Variants in UBE3C observed in about 807,000 individuals in gnomAD.
UBE3C encodes ubiquitin-protein ligase E3C.
UBE3C carries 42 observed loss-of-function variants against 129.4 expected under a neutral mutation model. That is an observed-to-expected ratio of 0.32 (90% CI 0.25 to 0.42). UBE3C has a LOEUF of 0.42. Among genes scored for constraint, UBE3C ranks in the 10% least tolerant of loss-of-function variants. The probability of loss-of-function intolerance (pLI) is 1.00; values close to 1 mark genes in which losing one functional copy is unlikely to be tolerated. For missense variants in UBE3C, 1,049 were observed against 1,319.1 expected, an observed-to-expected ratio of 0.80 and a Z score of 3.17; for synonymous variants, 510 against 492.4, an observed-to-expected ratio of 1.04 and a Z score of -0.47.
rs201636089 is a variant in UBE3C, at chr7:157,225,465, T to C, written c.2159T>C (p.Leu720Pro). Residue 720 changes from leucine (L) to proline (P), a missense_variant, in exon 17 of 23, where the codon CTG becomes CCG. Transcript: ENST00000348165. Reference protein sequence around the residue: ...KQEVQGDGPFLDGINVTIRRN... With the variant: ...KQEVQGDGPFPDGINVTIRRN... ...GAAGTTCAAGGAGATGGTCCATTTC[T>C]GGATGGAATTAATGTCACAATAAGA... 6.2e-7 allele frequency: 1 copy of C among 1,605,594 alleles called. No homozygotes were observed. Among genetic ancestry groups the C allele is most frequent in the Non-Finnish European group, 8.5e-7 (1 of 1,178,036 alleles).
intron 22 of UBE3C, among the ~76,000 whole-genome samples, chr7:157,265,119 C>CTTA (rs1239037131): frequency 6.6e-6 from 1 of 152,154 alleles, no homozygotes; most frequent in African/African-American, 2.4e-5. Context: ...CTAATTATTT[C>CTTA]TTAGAGTACA....
intron 11 of UBE3C, among the ~76,000 whole-genome samples, chr7:157,202,964 C>A (rs1179478645): frequency 6.6e-6 from 1 of 152,178 alleles, no homozygotes; most frequent in Admixed American, 6.5e-5. Context: ...TATAAACACA[C>A]TCATCTGCAA....
intron 10 of UBE3C, among the ~76,000 whole-genome samples, chr7:157,191,700 A>G (rs1586676662): frequency 1.3e-5 from 2 of 152,224 alleles, no homozygotes; most frequent in East Asian, 1.9e-4. Context: ...TTATAGCTTC[A>G]TATCTTATAC....
intron 4 of UBE3C, among the ~76,000 whole-genome samples, chr7:157,174,290 G>A (rs1808456944): frequency 6.6e-6 from 1 of 152,104 alleles, no homozygotes; most frequent in South Asian, 2.1e-4. Context: ...CCTAATATAT[G>A]AGAAATACCG....
chr7:157,148,683 G>A (rs1807672953), intron 1 of UBE3C, among the ~76,000 whole-genome samples: 2 of 151,278 alleles, frequency 1.3e-5, no homozygotes, highest in East Asian at 1.9e-4. Context: ...TTTTCTTACA[G>A]ATCTGGCATC....
At chr7:157,205,703 A>T (rs973764752) in intron 11 of UBE3C, among the ~76,000 whole-genome samples, 2 of 152,224 alleles carry the variant, frequency 1.3e-5, no homozygotes, top group African/African-American at 4.8e-5. Context: ...TTCATTGATG[A>T]ATCTGTTCAG....
At chr7:157,166,516 C>T (rs899037467) in intron 2 of UBE3C, among the ~76,000 whole-genome samples, 4 of 151,980 alleles carry the variant, frequency 2.6e-5, no homozygotes, top group Non-Finnish European at 4.4e-5. Context: ...CGAGGCAGGC[C>T]GATCACCTGA....
intron 3 of UBE3C, 94 bp downstream of exon 3, chr7:157,169,216 C>A: frequency 1.1e-6 from 1 of 870,738 alleles, no homozygotes; most frequent in Non-Finnish European, 1.8e-6. Context: ...GAAGTCAATG[C>A]TGACAGTAGT....
intron 13 of UBE3C, among the ~76,000 whole-genome samples, chr7:157,208,490 T>G (rs1809502423): frequency 6.6e-6 from 1 of 152,224 alleles, no homozygotes; most frequent in African/African-American, 2.4e-5. Flanking sequence ...AAAACCATGT[T>G]TTTAAACCTT....
intron 2 of UBE3C, chr7:157,164,662 GTTTT>G (rs529445918): frequency 3.8e-5 from 13 of 337,982 alleles, no homozygotes; most frequent in African/African-American, 2.4e-4. Context: ...TTTAGGTAGA[GTTTT>G]TTGTTTTGTT....
At chr7:157,264,540 A>G (rs944317638) in intron 22 of UBE3C, among the ~76,000 whole-genome samples, 1 of 150,460 alleles carries the variant, frequency 6.6e-6, no homozygotes, top group Non-Finnish European at 1.5e-5. Context: ...CACACCTGGT[A>G]TTACAGGTGT....
intron 10 of UBE3C, chr7:157,198,532 C>CTT (rs71189987): frequency 4.9e-4 from 139 of 282,048 alleles, no homozygotes; most frequent in Middle Eastern, 1.3e-3. Context: ...CTGTATTTGT[C>CTT]TTTTTTTTTT....
chr7:157,249,164 G>T (rs1208187778), intron 19 of UBE3C, among the ~76,000 whole-genome samples: 1 of 152,102 alleles, frequency 6.6e-6, no homozygotes, highest in African/African-American at 2.4e-5. Flanking sequence ...TCGTAGAGGT[G>T]TGCAGCCATC....
In UBE3C at chr7:157,139,248, C is replaced by T. The variant is rs746055667; in HGVS notation, c.-25C>T. 4 of 1,490,066 alleles carry T rather than the reference C, an allele frequency of 2.7e-6. No individual in the cohort carries two copies. Among genetic ancestry groups the T allele is most frequent in the South Asian group, 1.3e-5 (1 of 78,468 alleles). The allele number at this position is 1,490,066 out of a possible 1,614,324, so 92.3% of individuals were successfully genotyped here. A position where few individuals can be genotyped will look rare whatever the true frequency, so the allele number is the denominator to read the frequency against. On this transcript the variant is annotated 5_prime_UTR_variant, in exon 1 of 23. Coordinates refer to ENST00000348165, the MANE Select transcript of UBE3C (RefSeq NM_014671.3). ...CCCGGCTGCTTCCGCGGCGGCGCTG[C>T]CCGCACATGGGCTAGGCTGCCAGGA...
At chr7:157,265,867 T>C (rs1444971670) in intron 22 of UBE3C, among the ~76,000 whole-genome samples, 1 of 152,240 alleles carries the variant, frequency 6.6e-6, no homozygotes, top group Non-Finnish European at 1.5e-5. Context: ...CAGAACGTCA[T>C]GAACACATCT....
At chr7:157,139,838 TAGA>T (rs1052536526) in intron 1 of UBE3C, among the ~76,000 whole-genome samples, 1 of 152,210 alleles carries the variant, frequency 6.6e-6, no homozygotes, top group African/African-American at 2.4e-5. Flanking sequence ...TTTTCGGTTG[TAGA>T]AGGTGAACGG....
At position 157,220,701 on chromosome 7, in the gene UBE3C, T is replaced by C; in HGVS notation, c.1927T>C (p.Tyr643His). 6.2e-7 allele frequency: 1 copy of C among 1,614,140 alleles called. No homozygotes were observed. Among genetic ancestry groups the C allele is most frequent in the South Asian group, 1.1e-5 (1 of 91,082 alleles). ...TTGCCCCCGACAGGTCACTCAGCTCTATGTGCCAGCATCCAGACATGTGTG... is the reference window on the plus strand; with the variant it reads ...TTGCCCCCGACAGGTCACTCAGCTCCATGTGCCAGCATCCAGACATGTGTG... ...DIKADKVTQL[Y>H]VPASRHVWRF... The change falls in exon 15 of 23, where the codon TAT (tyrosine) becomes CAT (histidine). Residue 643 changes from tyrosine to histidine, a missense_variant. By Grantham distance (83) the Tyr-to-His change is moderately conservative. Coordinates refer to ENST00000348165, the MANE Select transcript of UBE3C (RefSeq NM_014671.3).
At chr7:157,223,090 T>G in intron 15 of UBE3C, 164 bp from the exon 16 acceptor site, 1 of 667,396 alleles carries the variant, frequency 1.5e-6, no homozygotes, top group South Asian at 1.7e-5. Context: ...TCCTGCACTG[T>G]GCATGGCTCA....
intron 22 of UBE3C, among the ~76,000 whole-genome samples, chr7:157,258,536 T>C (rs1451889510): frequency 1.3e-5 from 2 of 152,228 alleles, no homozygotes; most frequent in African/African-American, 2.4e-5. Flanking sequence ...TTCCGCTCAC[T>C]GCAACCTCTG....
Sources: gnomAD v4.1 joint callset for allele counts (sites outside exome capture counted in the v4.1 genomes callset) on GRCh38, gnomAD v4.1.1 for gene constraint, MANE v1.5 for transcripts, NCBI Gene and HGNC (gene_info 2026-07-23, HGNC 2026-07-21) for gene names.